ACBD5: variants seen among roughly 807,000 people sequenced by gnomAD.
ACBD5 encodes acyl-CoA binding domain containing 5.
ACBD5 carries 40 observed loss-of-function variants against 71.8 expected under a neutral mutation model. The ratio of observed to expected loss-of-function variants is 0.56; its 90% CI spans 0.43 to 0.72. The LOEUF (loss-of-function observed/expected upper bound fraction) is 0.72. ACBD5 is among the 30% of genes least tolerant of loss of function. ACBD5 has a pLI of 0.00. For missense variants in ACBD5, 559 were observed against 644.5 expected (o/e 0.87, Z 1.44); for synonymous variants, 229 against 218.6 (o/e 1.05, Z -0.42).
intron 4 of ACBD5, among the ~76,000 whole-genome samples, chr10:27,228,811 ATATATTTTTTTTTTT>A (rs1304503155): frequency 2.3e-3 from 36 of 15,886 alleles, no homozygotes; most frequent in Admixed American, 7.2e-3. Flanking sequence ...ATATATATAT[ATATATTTTTTTTTTT>A]TTTTTTTTTT....
upstream of ACBD5, chr10:27,241,908 G>A: frequency 2.6e-6 from 1 of 377,508 alleles, no homozygotes; most frequent in Admixed American, 2.8e-5. Flanking sequence ...GGTTGTGGGG[G>A]GTGGAGTCCT....
At chr10:27,224,102 C>A (rs1361654472) in intron 4 of ACBD5, among the ~76,000 whole-genome samples, 1 of 151,516 alleles carries the variant, frequency 6.6e-6, no homozygotes, top group Non-Finnish European at 1.5e-5. Context: ...ATGGCTCACA[C>A]CTGTAATCCC....
chr10:27,184,803 C>T (rs1165276961), intron 13 of ACBD5, among the ~76,000 whole-genome samples: 3 of 151,914 alleles, frequency 2.0e-5, no homozygotes, highest in Non-Finnish European at 4.4e-5. Context: ...TCAAGTAATC[C>T]GCCCACCTCA....
intron 2 of ACBD5, among the ~76,000 whole-genome samples, chr10:27,238,929 G>A (rs772205276): frequency 6.6e-6 from 1 of 152,226 alleles, no homozygotes; most frequent in Non-Finnish European, 1.5e-5. Flanking sequence ...CGGGCGCGGT[G>A]GCTCATGCCT....
intron 2 of ACBD5, among the ~76,000 whole-genome samples, chr10:27,237,304 A>T (rs1009195857): frequency 1.3e-5 from 2 of 152,214 alleles, no homozygotes; most frequent in Non-Finnish European, 2.9e-5. Flanking sequence ...GTGCTCACAC[A>T]TGATGTACTT....
At chr10:27,186,161 A>C (rs2058732504) in intron 13 of ACBD5, among the ~76,000 whole-genome samples, 1 of 152,212 alleles carries the variant, frequency 6.6e-6, no homozygotes, top group African/African-American at 2.4e-5. Context: ...AACAAATACA[A>C]ACCAGGCACC....
At chr10:27,241,358 T>C (rs550783902), upstream of ACBD5, among the ~76,000 whole-genome samples, 9 of 152,298 alleles carry the variant, frequency 5.9e-5, no homozygotes, top group Middle Eastern at 6.8e-3. Flanking sequence ...GAGAAAAGCA[T>C]TGGGGACCTT....
chr10:27,226,053 G>C (rs1251374012), intron 4 of ACBD5, among the ~76,000 whole-genome samples: 1 of 152,122 alleles, frequency 6.6e-6, no homozygotes, highest in Non-Finnish European at 1.5e-5. Flanking sequence ...TATTAACTGA[G>C]TATTCATTCT....
At chr10:27,221,169 G>A (rs147911036) in intron 5 of ACBD5, among the ~76,000 whole-genome samples, 3 of 152,228 alleles carry the variant, frequency 2.0e-5, no homozygotes, top group African/African-American at 7.2e-5. Context: ...GAAATCTCAA[G>A]TTTTCTAATT....
At chr10:27,208,046 A>C (rs1471144551) in intron 10 of ACBD5, among the ~76,000 whole-genome samples, 200 bp downstream of exon 10, 2 of 152,022 alleles carry the variant, frequency 1.3e-5, no homozygotes, top group African/African-American at 2.4e-5. Flanking sequence ...TTTTTCTATT[A>C]TTTTACCATT....
chr10:27,187,183 C>G (rs1588846051), intron 13 of ACBD5, among the ~76,000 whole-genome samples: 2 of 152,190 alleles, frequency 1.3e-5, no homozygotes, highest in East Asian at 3.9e-4. Flanking sequence ...GCCTGTAGTC[C>G]CAGCTACTCT....
intron 5 of ACBD5, chr10:27,223,088 T>C (rs1266638273): frequency 3.0e-6 from 2 of 671,174 alleles, no homozygotes; most frequent in East Asian, 2.7e-5. Context: ...CTTCATATAA[T>C]GTGTTTGCCT....
rs372553717 is a variant in ACBD5 at position 27,219,816 on chromosome 10, C to T, written c.532G>A (p.Val178Ile). The change falls in exon 6 of 13, where the codon GTT becomes ATT. Residue 178 changes from valine to isoleucine, a missense_variant. Transcript: ENST00000396271. ...TCACTGCTTTCAGCTTTACCATTAA[C>T]GGTTTTGGCGTTTGGAGTAGAAGTG... The part of the protein sequence containing the change: ...VLTSTPNAKT[V>I]NGKAESSDSG... 17 of 1,613,956 alleles carry T rather than the reference C, an allele frequency of 1.1e-5. No individual in the cohort carries two copies. The African/African-American group carries it at 1.7e-4, about 16-fold the overall frequency.
At chr10:27,202,575 T>C (rs1451805724) in intron 12 of ACBD5, among the ~76,000 whole-genome samples, 1 of 151,932 alleles carries the variant, frequency 6.6e-6, no homozygotes, top group Non-Finnish European at 1.5e-5. Context: ...ACTGTTGATG[T>C]AGAGTGTAGT....
chr10:27,187,364 CAA>C (rs2058828999), intron 13 of ACBD5, among the ~76,000 whole-genome samples: 1 of 152,140 alleles, frequency 6.6e-6, no homozygotes. Context: ...AAGGAATAAA[CAA>C]AAAGACTAAG....
rs1015092248 is a variant in ACBD5 at position 27,240,773 on chromosome 10, C to A, written c.-85G>T. On this transcript the variant is annotated 5_prime_UTR_variant, in exon 1 of 13. Coordinates refer to ENST00000396271, the MANE Select transcript of ACBD5 (RefSeq NM_145698.5). The surrounding 1 kb of genome is among the most constrained non-coding windows in gnomAD (Gnocchi z 4.1). ...TGGGGACCCTGGCGGAGCAGCCACA[C>A]CCCCCATTCCGCCGGAGTCCGTCTG... The A allele has an allele frequency of 2.0e-6, 3 of 1,531,710 alleles. No homozygotes were observed. Among genetic ancestry groups the A allele is most frequent in the East Asian group, 2.5e-5 (1 of 40,806 alleles). 94.9% of individuals were successfully genotyped at this position (1,531,710 alleles called of 1,614,324 possible).
chr10:27,190,114 G>A (rs977296764), intron 13 of ACBD5, among the ~76,000 whole-genome samples: 11 of 151,982 alleles, frequency 7.2e-5, no homozygotes, highest in Admixed American at 3.9e-4. Context: ...GTAAAACCCC[G>A]TCTCTACTAA....
chr10:27,240,596 C>G lies in ACBD5; in HGVS notation c.15+78G>C. ...CCTATCCAGGCCACACAGATCGAAG[C>G]GGCCCGGCTCCTTCCTCCTCCCCCG... On this transcript the variant is annotated intron_variant, in intron 1 of 12. Transcript: ENST00000396271. The surrounding 1 kb of genome is among the most constrained non-coding windows in gnomAD (Gnocchi z 4.1). 1 of 1,551,092 alleles carries G rather than the reference C, an allele frequency of 6.4e-7. No individual in the cohort carries two copies. The highest frequency in any genetic ancestry group is 8.7e-7 in the Non-Finnish European group (1 of 1,146,898).
At chr10:27,228,813 ATATTTTTTTTT>A (rs1466621195) in intron 4 of ACBD5, among the ~76,000 whole-genome samples, 23 of 7,630 alleles carry the variant, frequency 3.0e-3, no homozygotes, top group South Asian at 7.8e-3. Context: ...ATATATATAT[ATATTTTTTTTT>A]TTTTTTTTTT....
Sources: gnomAD v4.1 joint callset for allele counts (sites outside exome capture counted in the v4.1 genomes callset) on GRCh38, gnomAD v4.1.1 for gene constraint, Gnocchi (gnomAD v3.1) non-coding constraint, MANE v1.5 for transcripts, NCBI Gene and HGNC (gene_info 2026-07-23, HGNC 2026-07-21) for gene names.